PTPRG: variants seen among roughly 807,000 people sequenced by gnomAD.
The protein encoded by PTPRG is receptor-type tyrosine-protein phosphatase gamma.
A neutral mutation model predicts 165.3 loss-of-function variants in PTPRG; 102 were observed. The ratio of observed to expected loss-of-function variants is 0.62; its 90% CI spans 0.53 to 0.73. PTPRG has a LOEUF of 0.73. PTPRG is among the 30% of genes least tolerant of loss of function. The probability of loss-of-function intolerance (pLI) is 0.00; values close to 1 mark genes in which losing one functional copy is unlikely to be tolerated. For synonymous variants in PTPRG, 675 were observed against 669.5 expected (o/e 1.01, Z -0.13); for missense variants, 1,866 against 1,861.4 (o/e 1.00, Z -0.05).
At chr3:61,705,198 T>G (rs1214400800) in intron 1 of PTPRG, among the ~76,000 whole-genome samples, 3 of 152,152 alleles carry the variant, frequency 2.0e-5, no homozygotes, top group Non-Finnish European at 1.5e-5. Context: ...TTGGGGCACC[T>G]GAGAGTTGAA....
intron 2 of PTPRG, among the ~76,000 whole-genome samples, chr3:61,843,484 A>G (rs898810287): frequency 1.3e-5 from 2 of 152,178 alleles, no homozygotes; most frequent in Admixed American, 6.6e-5. Flanking sequence ...TCCTGAGACA[A>G]TTCAAGGTGG....
rs56210593 is a variant in PTPRG, at chr3:61,965,487, CA to C, written c.191-24118del. 8.0e-3 allele frequency among the ~76,000 whole-genome samples: 644 copies of C among 80,206 alleles called. 4 individuals carry two copies. Among genetic ancestry groups the C allele is most frequent in the African/African-American group, 0.018 (371 of 20,938 alleles). The allele number at this position is 80,206 out of a possible 152,430, so 52.6% of individuals were successfully genotyped here. ...TGGGTGACAGAGCAAGACTCCGTCT[CA>C]AAAAAAAAAAAAAAAAAAAGTTAAG... On this transcript the variant is annotated intron_variant, in intron 2 of 29. Coordinates refer to ENST00000474889, the MANE Select transcript of PTPRG (RefSeq NM_002841.4).
At position 62,195,791 on chromosome 3, in the gene PTPRG, T is replaced by TTTTG. The variant is rs1000156879; in HGVS notation, c.1327+637_1327+640dup. 2.6e-5 allele frequency among the ~76,000 whole-genome samples: 4 copies of TTTTG among 151,932 alleles called. No homozygotes were observed. Among genetic ancestry groups the TTTTG allele is most frequent in the Admixed American group, 6.6e-5 (1 of 15,256 alleles). ...AGACATAACATTTTAGTGGGATTTT[T>TTTTG]TTTGTTTGTTTGTTTGTTTTGAGAT... is the stretch of plus-strand genomic sequence containing the variant. On this transcript the variant is annotated intron_variant, in intron 10 of 29. Coordinates refer to ENST00000474889, the MANE Select transcript of PTPRG (RefSeq NM_002841.4). This position sits in a 1 kb window ranked among gnomAD's most constrained non-coding sequence, Gnocchi z 4.4.
At chr3:62,215,630 C>T (rs917753744) in intron 12 of PTPRG, among the ~76,000 whole-genome samples, 3 of 150,120 alleles carry the variant, frequency 2.0e-5, no homozygotes, top group African/African-American at 7.4e-5. Flanking sequence ...AGTTTGAGCC[C>T]AGCTCTGACC....
chr3:61,850,808 G>A (rs1233558811), intron 2 of PTPRG, among the ~76,000 whole-genome samples: 3 of 152,176 alleles, frequency 2.0e-5, no homozygotes, highest in Admixed American at 6.5e-5. Flanking sequence ...GCAAAAATGA[G>A]AGCACCATCT....
intron 3 of PTPRG, among the ~76,000 whole-genome samples, chr3:61,992,868 C>T (rs1027117625): frequency 1.3e-5 from 2 of 151,918 alleles, no homozygotes; most frequent in Admixed American, 6.6e-5. Context: ...GGTTTTGCCA[C>T]GTTGGCCAGG....
At position 62,271,431 on chromosome 3, in the gene PTPRG, CAG is replaced by C; in HGVS notation, c.3059_3060del (p.Gln1020LeufsTer8). 1 of 1,612,886 alleles carries C rather than the reference CAG, an allele frequency of 6.2e-7. No individual in the cohort carries two copies. ...TCGTCAGAATGAAAGGGTAGTGATC[CAG>C]TATCACTATACACAGTGGCCTGACA... Reference protein sequence around the residue: ...KGRQNERVVIQYHYTQWPDMG... With the variant: ...KGRQNERVVIXYHYTQWPDMG... On this transcript the variant is annotated frameshift_variant, in exon 21 of 30. Transcript: ENST00000474889. LOFTEE classifies it high-confidence loss of function. The surrounding 1 kb of genome is among the most constrained non-coding windows in gnomAD (Gnocchi z 4.1).
chr3:62,221,075 G>A (rs557396926), intron 13 of PTPRG, among the ~76,000 whole-genome samples: 1 of 152,210 alleles, frequency 6.6e-6, no homozygotes, highest in Admixed American at 6.5e-5. Context: ...GCTGTGTCAT[G>A]TAGTAAACAG....
At chr3:61,911,625 T>A (rs2038806626) in intron 2 of PTPRG, among the ~76,000 whole-genome samples, 2 of 152,228 alleles carry the variant, frequency 1.3e-5, no homozygotes, top group Admixed American at 6.5e-5. Flanking sequence ...ACCATGCTGC[T>A]GCGTCATGGT....
intron 1 of PTPRG, among the ~76,000 whole-genome samples, chr3:61,598,959 C>A (rs1700772942): frequency 6.6e-6 from 1 of 151,946 alleles, no homozygotes; most frequent in Non-Finnish European, 1.5e-5. Flanking sequence ...GGAATAAGGC[C>A]CACCCTAATG....
chr3:61,584,140 T>TA (rs1314306049), intron 1 of PTPRG, among the ~76,000 whole-genome samples: 2 of 152,244 alleles, frequency 1.3e-5, no homozygotes, highest in Non-Finnish European at 2.9e-5. Context: ...GACATGCTGA[T>TA]AACACTTAGC....
intron 2 of PTPRG, among the ~76,000 whole-genome samples, chr3:61,939,940 T>C (rs2039575378): frequency 9.7e-6 from 1 of 103,316 alleles, no homozygotes; most frequent in Non-Finnish European, 1.8e-5. Context: ...TTTTTTTTTT[T>C]TTTTTTTTTT....
At chr3:61,816,057 T>G (rs939644975) in intron 2 of PTPRG, among the ~76,000 whole-genome samples, 1 of 152,236 alleles carries the variant, frequency 6.6e-6, no homozygotes, top group African/African-American at 2.4e-5. Flanking sequence ...ATAACTCTTT[T>G]AAGTTTGTTA....
chr3:61,944,798 AT>A (rs2039715954), intron 2 of PTPRG, among the ~76,000 whole-genome samples: 1 of 152,196 alleles, frequency 6.6e-6, no homozygotes, highest in East Asian at 1.9e-4. Context: ...ACGCTGTAGC[AT>A]TTGTCTGTAT....
At chr3:61,610,737 T>TCCTGCCTC (rs1483573846) in intron 1 of PTPRG, among the ~76,000 whole-genome samples, 9 of 139,904 alleles carry the variant, frequency 6.4e-5, no homozygotes, top group South Asian at 4.5e-4. Flanking sequence ...CTCATTGCCT[T>TCCTGCCTC]CCTGCCTCCC....
intron 4 of PTPRG, among the ~76,000 whole-genome samples, chr3:62,057,656 A>G (rs1700676923): frequency 6.6e-6 from 1 of 152,222 alleles, no homozygotes; most frequent in Admixed American, 6.5e-5. Context: ...ACAGGTTTGC[A>G]GCTCTGAGAT....
Position 62,295,032 on chromosome 3 carries a change from A to G in PTPRG, c.*1725A>G, listed in dbSNP as rs1703016149. 6.6e-6 allele frequency: 1 copy of G among 152,148 alleles called. No individual in the cohort carries two copies. The highest frequency in any genetic ancestry group is 6.6e-5 in the Admixed American group (1 of 15,256). 9.4% of individuals were successfully genotyped at this position (152,148 alleles called of 1,614,324 possible). A position where few individuals can be genotyped will look rare whatever the true frequency, so the allele number is the denominator to read the frequency against. ...CAAAGGCCAGGTCAATGGAGTTTTCATAAACTACATAATTTACCAGGGTTT... is the reference window on the plus strand; with the variant it reads ...CAAAGGCCAGGTCAATGGAGTTTTCGTAAACTACATAATTTACCAGGGTTT... On this transcript the variant is annotated 3_prime_UTR_variant, in exon 30 of 30. Coordinates refer to ENST00000474889, the MANE Select transcript of PTPRG (RefSeq NM_002841.4).
At chr3:61,675,575 GCTAT>G (rs2107093034) in intron 1 of PTPRG, among the ~76,000 whole-genome samples, 1 of 152,136 alleles carries the variant, frequency 6.6e-6, no homozygotes, top group African/African-American at 2.4e-5. Flanking sequence ...TGTACTTTTG[GCTAT>G]CTTTTAATAA....
intron 2 of PTPRG, among the ~76,000 whole-genome samples, chr3:61,904,046 T>A (rs1013794442): frequency 2.0e-5 from 3 of 152,162 alleles, no homozygotes; most frequent in African/African-American, 7.2e-5. Context: ...CATCTGGGTG[T>A]TCAGTTTTCC....
Sources: allele counts gnomAD v4.1 joint callset (sites outside exome capture counted in the v4.1 genomes callset), GRCh38; gene constraint gnomAD v4.1.1; non-coding constraint Gnocchi (gnomAD v3.1); transcripts MANE v1.5; gene names NCBI Gene and HGNC (gene_info 2026-07-23, HGNC 2026-07-21).